PIEZO2: variants seen among roughly 807,000 people sequenced by gnomAD.
PIEZO2 encodes piezo type mechanosensitive ion channel component 2, also known as piezo-type mechanosensitive ion channel component 2.
PIEZO2 carries 172 observed loss-of-function variants against 337.3 expected under a neutral mutation model. That is an observed-to-expected ratio of 0.51 (90% CI 0.45 to 0.58). The LOEUF (loss-of-function observed/expected upper bound fraction) is 0.58. Ranked by LOEUF, PIEZO2 falls within the 20% of genes least tolerant of loss-of-function variation. The pLI is 0.00. For missense variants in PIEZO2, 3,028 were observed against 3,391.3 expected (o/e 0.89, Z 2.66); for synonymous variants, 1,251 against 1,228.5 (o/e 1.02, Z -0.38).
At chr18:10,931,730 G>A (rs1472200603) in intron 3 of PIEZO2, among the ~76,000 whole-genome samples, 1 of 152,062 alleles carries the variant, frequency 6.6e-6, no homozygotes, top group Non-Finnish European at 1.5e-5. Context: ...GAGAGAGAGA[G>A]AGAGAGAGAG....
intron 30 of PIEZO2, among the ~76,000 whole-genome samples, chr18:10,744,976 G>T (rs1335888701): frequency 6.6e-6 from 1 of 152,170 alleles, no homozygotes; most frequent in Non-Finnish European, 1.5e-5. Flanking sequence ...CGCCTCCTTG[G>T]AAAGTCTTGT....
rs2036572657 is a variant in PIEZO2, at chr18:11,027,212, C to A, written c.160+38915G>T. Among the ~76,000 whole-genome samples the A allele has an allele frequency of 6.6e-6, 1 of 152,204 alleles. No homozygotes were observed. The highest frequency in any genetic ancestry group is 1.9e-4 in the East Asian group (1 of 5,176). On this transcript the variant is annotated intron_variant, in intron 2 of 55. Transcript: ENST00000674853. This position sits in a 1 kb window ranked among gnomAD's most constrained non-coding sequence, Gnocchi z 4.2. ...AAGAGACCCCAGAATATGGGTAGAA[C>A]CTGGAGAGAGGAAAGCAAACAGCAT...
chr18:10,926,645 G>GA (rs781177455), intron 3 of PIEZO2, among the ~76,000 whole-genome samples: 1 of 151,994 alleles, frequency 6.6e-6, no homozygotes, highest in Non-Finnish European at 1.5e-5. Context: ...AATTGAAAAC[G>GA]AAAAAAACTG....
At chr18:10,728,879 C>T (rs2036646366) in intron 36 of PIEZO2, among the ~76,000 whole-genome samples, 1 of 149,246 alleles carries the variant, frequency 6.7e-6, no homozygotes, top group Non-Finnish European at 1.5e-5. Flanking sequence ...GGTGTGAACC[C>T]GGCAGGCAGA....
intron 1 of PIEZO2, among the ~76,000 whole-genome samples, chr18:11,123,726 C>G (rs962919009): frequency 6.6e-6 from 1 of 151,778 alleles, no homozygotes; most frequent in Admixed American, 6.6e-5. Context: ...AGGAGGATGG[C>G]GTGAACCCGG....
chr18:10,777,362 G>A (rs2038826664), intron 18 of PIEZO2, among the ~76,000 whole-genome samples: 1 of 152,160 alleles, frequency 6.6e-6, no homozygotes, highest in Non-Finnish European at 1.5e-5. Flanking sequence ...CTCCATTTGT[G>A]ACTCTGTCAT....
chr18:11,037,092 G>C (rs1267952086), intron 2 of PIEZO2, among the ~76,000 whole-genome samples: 1 of 152,160 alleles, frequency 6.6e-6, no homozygotes, highest in Non-Finnish European at 1.5e-5. Context: ...AGCCTCCTGA[G>C]TAGCTGGGAT....
chr18:10,749,041 C>G (rs2037539971), intron 29 of PIEZO2, among the ~76,000 whole-genome samples: 1 of 152,088 alleles, frequency 6.6e-6, no homozygotes, highest in South Asian at 2.1e-4. Flanking sequence ...GAATAATGAG[C>G]ACAGCATGGC....
chr18:10,999,709 C>T (rs1004262067), intron 2 of PIEZO2, among the ~76,000 whole-genome samples: 2 of 152,116 alleles, frequency 1.3e-5, no homozygotes, highest in African/African-American at 4.8e-5. Flanking sequence ...GCAGTTCATG[C>T]ACTTGGACTA....
At position 10,726,525 on chromosome 18, in the gene PIEZO2, C is replaced by T; in HGVS notation, c.5029+4882G>A. The T allele has an allele frequency of 6.8e-7, 1 of 1,470,732 alleles. No homozygotes were observed. Among genetic ancestry groups the T allele is most frequent in the Non-Finnish European group, 9.0e-7 (1 of 1,110,630 alleles). The allele number at this position is 1,470,732 out of a possible 1,614,324, so 91.1% of individuals were successfully genotyped here. On this transcript the variant is annotated intron_variant, in intron 36 of 55. Coordinates refer to ENST00000674853, the MANE Select transcript of PIEZO2 (RefSeq NM_001378183.1). The surrounding 1 kb of genome is among the most constrained non-coding windows in gnomAD (Gnocchi z 5.9). ...AAGCAGCCGTTCCTGTGGCGCGCTG[C>T]GCTGCTCTGCTCTGCTACACCAGCC...
chr18:10,869,209 TAGAAGAAGAAAGAGA>T (rs994886145), intron 5 of PIEZO2, among the ~76,000 whole-genome samples: 1 of 152,206 alleles, frequency 6.6e-6, no homozygotes, highest in Non-Finnish European at 1.5e-5. Flanking sequence ...CTCTCTTTTG[TAGAAGAAGAAAGAGA>T]AGAAACAATT....
rs375508027 is a variant in PIEZO2, at chr18:10,766,321, G to T, written c.2947-3223C>A. Among the ~76,000 whole-genome samples, 5 of 151,918 alleles carry T rather than the reference G, an allele frequency of 3.3e-5. No individual in the cohort carries two copies. Among genetic ancestry groups the T allele is most frequent in the African/African-American group, 7.2e-5 (3 of 41,432 alleles). On this transcript the variant is annotated intron_variant, in intron 21 of 55. Transcript: ENST00000674853. The surrounding 1 kb of genome is among the most constrained non-coding windows in gnomAD (Gnocchi z 6.1). ...GAAAGGAGGGGAAGGGGAAGGAGAA[G>T]TAGGAGGAGAAGGAGGAGGAGGAGG... is the stretch of plus-strand genomic sequence containing the variant.
rs116242243 is a variant in PIEZO2, at chr18:10,700,493, G to T, written c.6442-1316C>A. Reference sequence around the variant, plus strand: ...CATATATTTGAAATTTTCAAAAAAAGAATAAGATCAATATGAAACACCAAG... The same window carrying T: ...CATATATTTGAAATTTTCAAAAAAATAATAAGATCAATATGAAACACCAAG... On this transcript the variant is annotated intron_variant, in intron 43 of 55. Coordinates refer to ENST00000674853, the MANE Select transcript of PIEZO2 (RefSeq NM_001378183.1). Among the ~76,000 whole-genome samples the T allele has an allele frequency of 9.8e-3, 1,487 of 151,678 alleles. 21 individuals are homozygous for T. Among genetic ancestry groups the T allele is most frequent in the African/African-American group, 0.034 (1,421 of 41,406 alleles).
intron 49 of PIEZO2, among the ~76,000 whole-genome samples, chr18:10,685,019 T>A (rs1378760685): frequency 1.3e-5 from 2 of 152,094 alleles, no homozygotes; most frequent in Non-Finnish European, 2.9e-5. Context: ...CCAATCAGCT[T>A]CCTGAAATGT....
At chr18:10,884,643 T>A (rs2144877725) in intron 4 of PIEZO2, among the ~76,000 whole-genome samples, 1 of 152,242 alleles carries the variant, frequency 6.6e-6, no homozygotes, top group South Asian at 2.1e-4. Context: ...CTAGCAGAAA[T>A]CTCCGTCCTT....
intron 7 of PIEZO2, among the ~76,000 whole-genome samples, chr18:10,825,893 A>T (rs550390948): frequency 6.6e-6 from 1 of 152,150 alleles, no homozygotes; most frequent in Admixed American, 6.5e-5. Context: ...GTCACAATGC[A>T]CAGCCCACAC....
At position 11,021,419 on chromosome 18, in the gene PIEZO2, G is replaced by T. The variant is rs903637775; in HGVS notation, c.161-41759C>A. On this transcript the variant is annotated intron_variant, in intron 2 of 55. Coordinates refer to ENST00000674853, the MANE Select transcript of PIEZO2 (RefSeq NM_001378183.1). This position sits in a 1 kb window ranked among gnomAD's most constrained non-coding sequence, Gnocchi z 4.7. ...TATTCCATGCAACCTGCGTGTGTCT[G>T]AAACAATGTTTCCTTCTCTCCTCCT... Among the ~76,000 whole-genome samples the T allele has an allele frequency of 4.6e-5, 7 of 151,698 alleles. No individual in the cohort carries two copies. Among genetic ancestry groups the T allele is most frequent in the African/African-American group, 1.2e-4 (5 of 41,284 alleles).
In PIEZO2 at chr18:10,903,008, G is replaced by A. The variant is rs2043087401; in HGVS notation, c.329+8178C>T. On this transcript the variant is annotated intron_variant, in intron 4 of 55. Transcript: ENST00000674853. The surrounding 1 kb of genome is among the most constrained non-coding windows in gnomAD (Gnocchi z 4.1). The stretch of plus-strand genomic sequence containing the variant: ...TCTGTTGCTCACTGATGGGCAACAG[G>A]GCTTTTATCCCCAGCCTTTCCAGGC... 1.3e-5 allele frequency among the ~76,000 whole-genome samples: 2 copies of A among 152,146 alleles called. No homozygotes were observed. The highest frequency in any genetic ancestry group is 1.3e-4 in the Admixed American group (2 of 15,272).
chr18:10,768,792 G>A (rs2038472352), intron 21 of PIEZO2, among the ~76,000 whole-genome samples: 1 of 152,172 alleles, frequency 6.6e-6, no homozygotes, highest in South Asian at 2.1e-4. Flanking sequence ...GACTCATTAA[G>A]GATAATGAAA....
Sources: allele counts gnomAD v4.1 joint callset (sites outside exome capture counted in the v4.1 genomes callset), GRCh38; gene constraint gnomAD v4.1.1; non-coding constraint Gnocchi (gnomAD v3.1); transcripts MANE v1.5; gene names NCBI Gene and HGNC (gene_info 2026-07-23, HGNC 2026-07-21).